BRAF: variants seen among roughly 807,000 people sequenced by gnomAD.
The protein encoded by BRAF is serine/threonine-protein kinase B-raf.
Under a neutral mutation model 104.6 loss-of-function variants are expected in BRAF, and 16 were observed. That is an observed-to-expected ratio of 0.15 (90% CI 0.10 to 0.23). The LOEUF (loss-of-function observed/expected upper bound fraction) is 0.23, where lower values mean the gene tolerates loss of function less well. Among genes scored for constraint, BRAF ranks in the 10% least tolerant of loss-of-function variants. BRAF has a pLI of 1.00. For missense variants in BRAF, 541 were observed against 937.3 expected (o/e 0.58, Z 5.52); for synonymous variants, 310 against 341.6 (o/e 0.91, Z 1.02).
chr7:140,739,894 C>T lies in BRAF; in HGVS notation c.2165G>A (p.Arg722Gln), dbSNP rs1796764011. The T allele has an allele frequency of 3.7e-6, 6 of 1,613,558 alleles. No individual in the cohort carries two copies. Among genetic ancestry groups the T allele is most frequent in the African/African-American group, 1.3e-5 (1 of 74,962 alleles). Residue 722 changes from arginine (R) to glutamine (Q), a missense_variant, in exon 18 of 20, where the codon CGG (arginine) becomes CAG (glutamine). Transcript: ENST00000644969. ...CTTCATGGCTTTTGGACAGTTACTCCGTACCTTACTGAGATCTGGAGACAG... is the reference window on the plus strand; with the variant it reads ...CTTCATGGCTTTTGGACAGTTACTCTGTACCTTACTGAGATCTGGAGACAG... ...GYLSPDLSKV[R>Q]SNCPKAMKRL... is the part of the protein sequence containing the mutation.
intron 3 of BRAF, among the ~76,000 whole-genome samples, chr7:140,828,838 G>A (rs919742801): frequency 1.3e-5 from 2 of 152,110 alleles, no homozygotes; most frequent in Non-Finnish European, 2.9e-5. Context: ...TTTCCAATAA[G>A]CTGTGATACT....
At chr7:140,904,352 T>C (rs1446058890) in intron 1 of BRAF, among the ~76,000 whole-genome samples, 1 of 151,844 alleles carries the variant, frequency 6.6e-6, no homozygotes, top group Non-Finnish European at 1.5e-5. Context: ...AATTTCCCAG[T>C]AGATCTAGAA....
intron 1 of BRAF, among the ~76,000 whole-genome samples, chr7:140,879,306 C>T (rs1444154764): frequency 1.3e-5 from 2 of 151,798 alleles, no homozygotes; most frequent in African/African-American, 2.4e-5. Flanking sequence ...CTCAGCCTCC[C>T]GAGTAGCTGA....
chr7:140,924,340 G>C lies in BRAF; in HGVS notation c.138+226C>G, dbSNP rs71645938. ...CACCGCTGCCCCAATCCCCACATCT[G>C]GGGTGGGGGCCAGGGAAACCCCCCG... On this transcript the variant is annotated intron_variant, in intron 1 of 19. Transcript: ENST00000644969. This position sits in a 1 kb window ranked among gnomAD's most constrained non-coding sequence, Gnocchi z 4.2. 6.5e-3 allele frequency among the ~76,000 whole-genome samples: 987 copies of C among 152,280 alleles called. 13 individuals are homozygous for C. The highest frequency in any genetic ancestry group is 0.023 in the African/African-American group (944 of 41,558).
At chr7:140,798,559 C>CTTT (rs1033928919) in intron 7 of BRAF, among the ~76,000 whole-genome samples, 38 of 125,328 alleles carry the variant, frequency 3.0e-4, no homozygotes, top group African/African-American at 1.1e-3. Flanking sequence ...CGCGCCCGGC[C>CTTT]TTTTTTTTTT....
chr7:140,790,735 C>T (rs975936442), intron 8 of BRAF, among the ~76,000 whole-genome samples: 1 of 152,200 alleles, frequency 6.6e-6, no homozygotes, highest in Admixed American at 6.5e-5. Flanking sequence ...ATCATTTCCT[C>T]TCTTGTTATC....
At chr7:140,829,683 C>T (rs1205110206) in intron 3 of BRAF, among the ~76,000 whole-genome samples, 3 of 152,114 alleles carry the variant, frequency 2.0e-5, no homozygotes, top group African/African-American at 7.2e-5. Flanking sequence ...AATGAGAAAA[C>T]GATCCAGTTT....
rs375174810 is a variant in BRAF at position 140,773,718 on chromosome 7, CCT to C, written c.1814+3192_1814+3193del. 1.7e-4 allele frequency among the ~76,000 whole-genome samples: 26 copies of C among 152,238 alleles called. No homozygotes were observed. The East Asian group carries it at 3.3e-3, about 19-fold the overall frequency. On this transcript the variant is annotated intron_variant, in intron 14 of 19. Coordinates refer to ENST00000644969, the MANE Select transcript of BRAF (RefSeq NM_001374258.1). The stretch of plus-strand genomic sequence containing the variant: ...GCCTTTCATTTTAACCCTTTCATCC[CCT>C]GAGATAGCTGATATTGCCAATTCCT...
At position 140,778,443 on chromosome 7, in the gene BRAF, T is replaced by G. The variant is rs547584761; in HGVS notation, c.1553-368A>C. Among the ~76,000 whole-genome samples, 5 of 152,308 alleles carry G rather than the reference T, an allele frequency of 3.3e-5. No individual in the cohort carries two copies. The East Asian group carries it at 9.6e-4, about 29-fold the overall frequency. On this transcript the variant is annotated intron_variant, in intron 12 of 19. Transcript: ENST00000644969. ...CTGAAACTGCAAGTAATGTTGAAAC[T>G]ACAATTACCAGGCCCTATGGAATTT...
At chr7:140,868,030 G>C (rs1811169592) in intron 1 of BRAF, among the ~76,000 whole-genome samples, 1 of 152,120 alleles carries the variant, frequency 6.6e-6, no homozygotes, top group Non-Finnish European at 1.5e-5. Context: ...GAACATGCCT[G>C]GACTAGTTTA....
chr7:140,760,540 A>C (rs1272573835), intron 14 of BRAF, among the ~76,000 whole-genome samples: 1 of 152,156 alleles, frequency 6.6e-6, no homozygotes, highest in Non-Finnish European at 1.5e-5. Flanking sequence ...AAGTCTTTTG[A>C]GAAGTTTTAC....
chr7:140,853,886 G>A (rs982716796), intron 1 of BRAF, among the ~76,000 whole-genome samples: 6 of 152,046 alleles, frequency 3.9e-5, no homozygotes, highest in African/African-American at 1.2e-4. Context: ...GAGGGCATAG[G>A]TTTTTGTCTT....
intron 3 of BRAF, chr7:140,823,421 T>C (rs1805686173): frequency 6.6e-6 from 1 of 152,236 alleles, no homozygotes. Flanking sequence ...ACAGTATTTG[T>C]CGTTTTATGA....
chr7:140,731,205 C>T (rs548627862), intron 19 of BRAF: 4 of 152,100 alleles, frequency 2.6e-5, no homozygotes, highest in Non-Finnish European at 5.9e-5. Flanking sequence ...TCTGTAGAGA[C>T]ACCGTTTCGC....
intron 1 of BRAF, among the ~76,000 whole-genome samples, chr7:140,869,589 C>T (rs1013784560): frequency 6.6e-6 from 1 of 151,418 alleles, no homozygotes; most frequent in Admixed American, 6.6e-5. Flanking sequence ...GCCGAAATCA[C>T]GCCACTGCAC....
chr7:140,899,303 G>A (rs1322130186), intron 1 of BRAF, among the ~76,000 whole-genome samples: 1 of 148,560 alleles, frequency 6.7e-6, no homozygotes, highest in Non-Finnish European at 1.5e-5. Flanking sequence ...AACTCTAAGG[G>A]TAGCCCCAAC....
At chr7:140,713,554 G>A in the BRAF span, among the ~76,000 whole-genome samples, 13 of 152,060 alleles carry the variant, frequency 8.5e-5, no homozygotes, top group East Asian at 2.5e-3. Context: ...CCATTGATTT[G>A]AATTTCCTCC....
At chr7:140,813,504 A>C (rs1252775988) in intron 3 of BRAF, among the ~76,000 whole-genome samples, 3 of 152,156 alleles carry the variant, frequency 2.0e-5, no homozygotes, top group Non-Finnish European at 4.4e-5. Context: ...AGTCAAGCAT[A>C]CTTCTGGGAA....
chr7:140,784,852 G>C (rs560474527), intron 10 of BRAF, among the ~76,000 whole-genome samples: 1 of 152,152 alleles, frequency 6.6e-6, no homozygotes, highest in Admixed American at 6.5e-5. Flanking sequence ...TCACCACATT[G>C]ACCAGGCTGG....
Sources: allele counts gnomAD v4.1 joint callset (sites outside exome capture counted in the v4.1 genomes callset), GRCh38; gene constraint gnomAD v4.1.1; non-coding constraint Gnocchi (gnomAD v3.1); transcripts MANE v1.5; gene names NCBI Gene and HGNC (gene_info 2026-07-23, HGNC 2026-07-21).